Variants in MAGT1 observed in about 807,000 individuals in gnomAD.
MAGT1 encodes the protein dolichyl-diphosphooligosaccharide--protein glycosyltransferase subunit MAGT1.
A neutral mutation model predicts 28.4 loss-of-function variants in MAGT1; 4 were observed. That is an observed-to-expected ratio of 0.14 (90% CI 0.07 to 0.32). The LOEUF is 0.32. MAGT1 is among the 10% of genes least tolerant of loss of function. MAGT1 has a pLI of 1.00. For missense variants in MAGT1, 193 were observed against 264.5 expected, an observed-to-expected ratio of 0.73 and a Z score of 1.88; for synonymous variants, 89 against 89.7, an observed-to-expected ratio of 0.99 and a Z score of 0.04.
chrX:77,877,812 CAAAATAAAATAAAAT>C (rs145687006), intron 1 of MAGT1, among the ~76,000 whole-genome samples: 42 of 35,068 alleles, frequency 1.2e-3, no homozygotes, highest in East Asian at 5.5e-3. Flanking sequence ...GACTCTGTCT[CAAAATAAAATAAAAT>C]AAAATAAAAT....
In MAGT1 at chrX:77,875,594, C is replaced by T. The variant is rs1557217726; in HGVS notation, c.106G>A (p.Val36Met). Residue 36 changes from valine (V) to methionine (M), a missense_variant, in exon 2 of 10, where the codon GTG becomes ATG. By Grantham distance (21) the Val-to-Met change is conservative. Transcript: ENST00000618282. The stretch of plus-strand genomic sequence containing the variant: ...AGCTGACTAACCTTTTCAGATAACA[C>T]CATCTAAAAAAGACAAAGTGAGCAT... ...SASAQRKKEM[V>M]LSEKVSQLME... 2 of 1,204,991 alleles carry T rather than the reference C, an allele frequency of 1.7e-6. No homozygotes were observed. Among genetic ancestry groups the T allele is most frequent in the South Asian group, 3.5e-5 (2 of 56,760 alleles).
chrX:77,893,168 C>A lies in MAGT1; in HGVS notation c.102+2141G>T, dbSNP rs1185270366. On this transcript the variant is annotated intron_variant, in intron 1 of 9. Transcript: ENST00000618282. ...CTGTCTCCAAATAAATACATACATA[C>A]CTACAATGACTATATGCTGTGCTGA... Among the ~76,000 whole-genome samples the A allele has an allele frequency of 3.6e-5, 4 of 111,886 alleles. No individual in the cohort carries two copies. In the East Asian group the frequency reaches 1.1e-3, roughly 31 times the overall value.
chrX:77,876,156 ATATATATATTTTTTTT>A (rs1346331168), intron 1 of MAGT1, among the ~76,000 whole-genome samples: 4 of 31,731 alleles, frequency 1.3e-4, no homozygotes, highest in African/African-American at 4.2e-4. Context: ...ATATATATAT[ATATATATATTTTTTTT>A]TTTTTTTTTT....
At chrX:77,880,301 G>A (rs2077047992) in intron 1 of MAGT1, among the ~76,000 whole-genome samples, 1 of 108,061 alleles carries the variant, frequency 9.3e-6, no homozygotes, top group Non-Finnish European at 1.9e-5. Flanking sequence ...AGGCCAAGGC[G>A]GGCAGATCAC....
chrX:77,880,065 C>T (rs1281176078), intron 1 of MAGT1, among the ~76,000 whole-genome samples: 2 of 103,378 alleles, frequency 1.9e-5, no homozygotes, highest in African/African-American at 7.0e-5. Flanking sequence ...TCTTGAACTC[C>T]TGGCCTCAAA....
At chrX:77,836,240 C>T (rs1268719203) in intron 8 of MAGT1, among the ~76,000 whole-genome samples, 1 of 110,801 alleles carries the variant, frequency 9.0e-6, no homozygotes, top group Non-Finnish European at 1.9e-5. Flanking sequence ...AGGCTGGGAA[C>T]GGTAGTTGGG....
chrX:77,850,961 C>A, intron 7 of MAGT1, among the ~76,000 whole-genome samples: 1 of 108,349 alleles, frequency 9.2e-6, no homozygotes, highest in Admixed American at 1.0e-4. Context: ...CCATACTTTT[C>A]TTTTCTGTTC....
intron 2 of MAGT1, among the ~76,000 whole-genome samples, chrX:77,873,880 T>G: frequency 9.0e-6 from 1 of 111,448 alleles, no homozygotes; most frequent in Admixed American, 9.7e-5. Flanking sequence ...ACTAAAACTT[T>G]GTACACTTTC....
At chrX:77,865,712 G>A (rs1344670464) in intron 3 of MAGT1, among the ~76,000 whole-genome samples, 1 of 112,278 alleles carries the variant, frequency 8.9e-6, no homozygotes, top group East Asian at 2.8e-4. Flanking sequence ...ACAAGAAAAG[G>A]AGTGACTCAC....
chrX:77,862,438 T>C (rs1235873391), intron 3 of MAGT1, among the ~76,000 whole-genome samples: 4 of 111,574 alleles, frequency 3.6e-5, no homozygotes, highest in Non-Finnish European at 5.7e-5. Context: ...GGAGAAAATA[T>C]TTACAAACTA....
intron 7 of MAGT1, among the ~76,000 whole-genome samples, chrX:77,848,491 GACT>G (rs1453302160): frequency 7.2e-5 from 8 of 110,915 alleles, no homozygotes; most frequent in Non-Finnish European, 5.7e-5. Context: ...TAAAAATATT[GACT>G]ACTTTTCTTT....
At chrX:77,834,304 ATG>A (rs1376245636) in intron 8 of MAGT1, among the ~76,000 whole-genome samples, 1 of 101,526 alleles carries the variant, frequency 9.8e-6, no homozygotes, top group African/African-American at 3.6e-5. Flanking sequence ...ATATATATAC[ATG>A]TGTGTATATA....
At chrX:77,837,056 A>G (rs1286666772) in intron 8 of MAGT1, among the ~76,000 whole-genome samples, 1 of 112,025 alleles carries the variant, frequency 8.9e-6, no homozygotes, top group Non-Finnish European at 1.9e-5. Flanking sequence ...TTGTTAGGTA[A>G]GAAACTTAGG....
chrX:77,876,977 C>G (rs1346023109), intron 1 of MAGT1, among the ~76,000 whole-genome samples: 2 of 89,860 alleles, frequency 2.2e-5, no homozygotes, highest in African/African-American at 8.7e-5. Context: ...CGTGCCATTG[C>G]ACTCCAGCCT....
intron 1 of MAGT1, among the ~76,000 whole-genome samples, chrX:77,889,993 G>A (rs1352834111): frequency 8.9e-6 from 1 of 111,889 alleles, no homozygotes; most frequent in Non-Finnish European, 1.9e-5. Flanking sequence ...CAAGTGTTTT[G>A]ATTTTTAGCT....
intron 3 of MAGT1, among the ~76,000 whole-genome samples, chrX:77,862,382 TGCAAA>T (rs1338754354): frequency 8.9e-6 from 1 of 111,779 alleles, no homozygotes; most frequent in Non-Finnish European, 1.9e-5. Flanking sequence ...AAAAAGCTTC[TGCAAA>T]GCAAAGGAAA....
chrX:77,889,874 G>C (rs1469895308), intron 1 of MAGT1, among the ~76,000 whole-genome samples: 1 of 111,689 alleles, frequency 9.0e-6, no homozygotes, highest in Admixed American at 9.6e-5. Flanking sequence ...TCAAACAGTA[G>C]GTCTTATTCA....
At position 77,828,976 on chromosome X, in the gene MAGT1, G is replaced by T; in HGVS notation, c.*244C>A. The stretch of plus-strand genomic sequence containing the variant: ...TATACTTAATTGTACTAAATTAAAT[G>T]TTCCATAAAGTTCACTGGGAAGAGA... On this transcript the variant is annotated 3_prime_UTR_variant, in exon 10 of 10. Coordinates refer to ENST00000618282, the MANE Select transcript of MAGT1 (RefSeq NM_001367916.1). 1.3e-5 allele frequency: 4 copies of T among 310,078 alleles called. No homozygotes were observed. Among genetic ancestry groups the T allele is most frequent in the Non-Finnish European group, 1.7e-5 (3 of 173,526 alleles). The allele number at this position is 310,078 out of a possible 1,213,427, so 25.6% of individuals were successfully genotyped here. A position where few individuals can be genotyped will look rare whatever the true frequency, so the allele number is the denominator to read the frequency against.
chrX:77,845,015 C>T (rs2076947195), intron 7 of MAGT1, among the ~76,000 whole-genome samples: 1 of 110,817 alleles, frequency 9.0e-6, no homozygotes, highest in African/African-American at 3.3e-5. Flanking sequence ...CCTTCTGTCT[C>T]GTGGATCTGT....
Sources: gnomAD v4.1 joint callset for allele counts (sites outside exome capture counted in the v4.1 genomes callset) on GRCh38, gnomAD v4.1.1 for gene constraint, MANE v1.5 for transcripts, NCBI Gene and HGNC (gene_info 2026-07-23, HGNC 2026-07-21) for gene names.